The following PLCL2 variants were observed in gnomAD, a reference collection of about 807,000 sequenced individuals.
PLCL2 encodes the protein inactive phospholipase C-like protein 2.
A neutral mutation model predicts 79.6 loss-of-function variants in PLCL2; 4 were observed. The ratio of observed to expected loss-of-function variants is 0.05; its 90% CI spans 0.02 to 0.11. PLCL2 has a LOEUF of 0.11. Ranked by LOEUF, PLCL2 falls within the 10% of genes least tolerant of loss-of-function variation. The pLI is 1.00. For missense variants in PLCL2, 895 were observed against 1,291.0 expected (o/e 0.69, Z 4.70); for synonymous variants, 484 against 457.7 (o/e 1.06, Z -0.73).
intron 4 of PLCL2, among the ~76,000 whole-genome samples, chr3:17,066,099 C>T (rs539875701): frequency 2.1e-4 from 32 of 152,216 alleles, no homozygotes; most frequent in Admixed American, 7.8e-4. Context: ...GGGAGTCTCC[C>T]GGATGTGAAG....
At chr3:16,977,223 C>A (rs996751240) in intron 1 of PLCL2, among the ~76,000 whole-genome samples, 19 of 152,096 alleles carry the variant, frequency 1.2e-4, no homozygotes, top group African/African-American at 4.3e-4. Context: ...TTCTTTTTCT[C>A]CTGAGTAGTG....
At chr3:17,008,892 A>T (rs534500637) in intron 1 of PLCL2, among the ~76,000 whole-genome samples, 11 of 152,246 alleles carry the variant, frequency 7.2e-5, no homozygotes, top group African/African-American at 1.7e-4. Context: ...ATCATAGCTC[A>T]TTGCAGCCTC....
chr3:16,945,620 A>C (rs984343875), intron 1 of PLCL2, among the ~76,000 whole-genome samples: 4 of 152,150 alleles, frequency 2.6e-5, no homozygotes, highest in African/African-American at 9.7e-5. Flanking sequence ...CCCCCACCCC[A>C]GACTGCAAAG....
chr3:16,977,687 T>C lies in PLCL2; in HGVS notation c.328-31987T>C, dbSNP rs1324918618. The stretch of plus-strand genomic sequence containing the variant: ...TTTTGTACTGGTGTTAATGAAGTAA[T>C]ACTCATTGGAGCCTCCAGTAGTCCT... On this transcript the variant is annotated intron_variant, in intron 1 of 5. Coordinates refer to ENST00000615277, the MANE Select transcript of PLCL2 (RefSeq NM_001144382.2). 5.3e-5 allele frequency among the ~76,000 whole-genome samples: 8 copies of C among 152,344 alleles called. No homozygotes were observed. In the East Asian group the frequency reaches 1.5e-3, roughly 29 times the overall value.
At chr3:17,060,321 AG>A (rs2064938012) in intron 4 of PLCL2, among the ~76,000 whole-genome samples, 1 of 152,202 alleles carries the variant, frequency 6.6e-6, no homozygotes, top group Admixed American at 6.5e-5. Flanking sequence ...TCTGGGTTTC[AG>A]GCATATATTT....
At chr3:17,086,886 T>C (rs114848996) in intron 5 of PLCL2, among the ~76,000 whole-genome samples, 165 of 152,274 alleles carry the variant, frequency 1.1e-3, no homozygotes, top group African/African-American at 3.9e-3. Context: ...AAAGAAGATA[T>C]ACAAATGGAA....
chr3:16,915,463 TGTTATA>T (rs1696971708), intron 1 of PLCL2, among the ~76,000 whole-genome samples: 1 of 152,162 alleles, frequency 6.6e-6, no homozygotes, highest in Non-Finnish European at 1.5e-5. Flanking sequence ...GTATATTTCC[TGTTATA>T]GTTATTCATG....
chr3:16,984,085 G>A (rs145833213), intron 1 of PLCL2, among the ~76,000 whole-genome samples: 45 of 152,302 alleles, frequency 3.0e-4, no homozygotes, highest in Admixed American at 9.8e-4. Context: ...ATGTTATTAT[G>A]TCTTTTGGTT....
At chr3:16,958,415 G>A (rs1218195602) in intron 1 of PLCL2, among the ~76,000 whole-genome samples, 1 of 152,110 alleles carries the variant, frequency 6.6e-6, no homozygotes, top group Non-Finnish European at 1.5e-5. Context: ...TGCATTTGAT[G>A]TACAGTAAAT....
intron 5 of PLCL2, among the ~76,000 whole-genome samples, chr3:17,078,669 A>C (rs926056163): frequency 7.2e-5 from 11 of 152,136 alleles, no homozygotes; most frequent in Non-Finnish European, 1.0e-4. Context: ...TCAATAAACC[A>C]GATGGTTTTT....
Position 17,010,213 on chromosome 3 carries a change from G to A in PLCL2, c.867G>A (p.Leu289=). 6.2e-7 allele frequency: 1 copy of A among 1,614,090 alleles called. No homozygotes were observed. The highest frequency in any genetic ancestry group is 8.5e-7 in the Non-Finnish European group (1 of 1,179,946). ...TAGATAACCTTGGACATATAACTCT[G>A]TGTAATGCTGTGCAATGTATCAGAA... ...IDVDNLGHIT[L]CNAVQCIRNL... The change falls in exon 2 of 6, where the codon CTG becomes CTA. Residue 289 remains leucine, a synonymous_variant. Coordinates refer to ENST00000615277, the MANE Select transcript of PLCL2 (RefSeq NM_001144382.2). This position sits in a 1 kb window ranked among gnomAD's most constrained non-coding sequence, Gnocchi z 5.8.
chr3:17,035,525 G>A (rs1386778693), intron 3 of PLCL2, among the ~76,000 whole-genome samples: 1 of 152,026 alleles, frequency 6.6e-6, no homozygotes, highest in Non-Finnish European at 1.5e-5. Flanking sequence ...CAGCCCCTCT[G>A]CTGCCTCTCA....
intron 1 of PLCL2, among the ~76,000 whole-genome samples, chr3:16,990,939 A>G (rs538498329): frequency 2.6e-5 from 4 of 152,344 alleles, no homozygotes; most frequent in African/African-American, 9.6e-5. Flanking sequence ...GCAGATAACT[A>G]TCCCCACCCA....
At chr3:16,962,679 C>T (rs2063766005) in intron 1 of PLCL2, among the ~76,000 whole-genome samples, 1 of 152,002 alleles carries the variant, frequency 6.6e-6, no homozygotes, top group Non-Finnish European at 1.5e-5. Flanking sequence ...AAAAGGATTA[C>T]AACTGCTTTG....
In PLCL2 at chr3:17,090,098, C is replaced by A; in HGVS notation, c.*186C>A. ...AATCCTGCGTGTGAAGGCAAATAAA[C>A]TCTTTAACAGGCAATTATATTGCTG... On this transcript the variant is annotated 3_prime_UTR_variant, in exon 6 of 6. Coordinates refer to ENST00000615277, the MANE Select transcript of PLCL2 (RefSeq NM_001144382.2). 1 of 1,304,702 alleles carries A rather than the reference C, an allele frequency of 7.7e-7. No individual in the cohort carries two copies. Among genetic ancestry groups the A allele is most frequent in the Non-Finnish European group, 9.7e-7 (1 of 1,027,124 alleles). The allele number at this position is 1,304,702 out of a possible 1,614,324, so 80.8% of individuals were successfully genotyped here.
At chr3:16,940,354 C>T (rs1697649411) in intron 1 of PLCL2, among the ~76,000 whole-genome samples, 1 of 152,226 alleles carries the variant, frequency 6.6e-6, no homozygotes, top group Non-Finnish European at 1.5e-5. Flanking sequence ...GTTCAACTCT[C>T]TCTCTCCTTA....
chr3:16,954,169 C>T (rs1344769954), intron 1 of PLCL2, among the ~76,000 whole-genome samples: 2 of 152,122 alleles, frequency 1.3e-5, no homozygotes, highest in Non-Finnish European at 2.9e-5. Flanking sequence ...AATGCTATCC[C>T]TCCCCGCTCC....
intron 1 of PLCL2, among the ~76,000 whole-genome samples, chr3:16,897,419 C>G (rs1212343855): frequency 6.6e-6 from 1 of 152,156 alleles, no homozygotes; most frequent in East Asian, 1.9e-4. Context: ...TTGTCCATCC[C>G]TCACAAGAGA....
chr3:17,072,095 G>A (rs1293937834), intron 5 of PLCL2, among the ~76,000 whole-genome samples: 1 of 152,052 alleles, frequency 6.6e-6, no homozygotes, highest in African/African-American at 2.4e-5. Flanking sequence ...CCAAAGTGCT[G>A]GGATTACAGG....
Sources: gnomAD v4.1 joint callset for allele counts (sites outside exome capture counted in the v4.1 genomes callset) on GRCh38, gnomAD v4.1.1 for gene constraint, Gnocchi (gnomAD v3.1) non-coding constraint, MANE v1.5 for transcripts, NCBI Gene and HGNC (gene_info 2026-07-23, HGNC 2026-07-21) for gene names.